TRAK1: variants seen among roughly 807,000 people sequenced by gnomAD.
TRAK1 encodes the protein trafficking kinesin protein 1.
TRAK1 carries 33 observed loss-of-function variants against 92.1 expected under a neutral mutation model. The ratio of observed to expected loss-of-function variants is 0.36; its 90% CI spans 0.27 to 0.48. The LOEUF (loss-of-function observed/expected upper bound fraction) is 0.48. Among genes scored for constraint, TRAK1 ranks in the 20% least tolerant of loss-of-function variants. The pLI is 0.99. For missense variants in TRAK1, 1,123 were observed against 1,257.9 expected (o/e 0.89, Z 1.62); for synonymous variants, 521 against 517.3 (o/e 1.01, Z -0.10).
intron 1 of TRAK1, among the ~76,000 whole-genome samples, chr3:42,122,631 A>G (rs1710036000): frequency 6.6e-6 from 1 of 152,166 alleles, no homozygotes; most frequent in Non-Finnish European, 1.5e-5. Flanking sequence ...CCTAGAGATG[A>G]ACTTCATGGG....
chr3:42,149,346 A>C, intron 2 of TRAK1: 1 of 1,435,434 alleles, frequency 7.0e-7, no homozygotes, highest in Non-Finnish European at 9.1e-7. Flanking sequence ...TCCCCCATAG[A>C]ATTTTTCTTT....
intron 5 of TRAK1, 99 bp downstream of exon 5, chr3:42,188,244 T>G (rs913620629): frequency 2.8e-6 from 3 of 1,088,146 alleles, no homozygotes; most frequent in Admixed American, 3.5e-5. Context: ...TCAGCAGCAA[T>G]GGAGGTCAGC....
intron 1 of TRAK1, among the ~76,000 whole-genome samples, chr3:42,111,594 A>C (rs988055222): frequency 5.3e-5 from 8 of 151,954 alleles, no homozygotes; most frequent in Non-Finnish European, 8.8e-5. Flanking sequence ...ACGGGGTTTC[A>C]CTGTGTTAGC....
At chr3:42,092,408 A>C (rs188381943) in intron 1 of TRAK1, among the ~76,000 whole-genome samples, 4 of 152,348 alleles carry the variant, frequency 2.6e-5, no homozygotes, top group Non-Finnish European at 4.4e-5. Flanking sequence ...GCCTAAAGAC[A>C]CTTCAAACAT....
At chr3:42,134,395 A>G (rs113518061) in intron 2 of TRAK1, among the ~76,000 whole-genome samples, 75,486 of 150,436 alleles carry the variant, frequency 0.5, 19,063 homozygotes, top group South Asian at 0.6. Context: ...CTTCTGTCTC[A>G]GCCTCCCGAG....
Position 42,224,691 on chromosome 3 carries a change from T to C in TRAK1, c.*954T>C, listed in dbSNP as rs562490860. ...ACAATAGGACTGAAAGGAAAAAGGA[T>C]AGGGAAAAAGCTTATTAAAGAAATG... On this transcript the variant is annotated 3_prime_UTR_variant, in exon 16 of 16. Transcript: ENST00000327628. 4.5e-4 allele frequency: 69 copies of C among 152,248 alleles called. No individual in the cohort carries two copies. Among genetic ancestry groups the C allele is most frequent in the African/African-American group, 1.6e-3 (65 of 41,546 alleles). The allele number at this position is 152,248 out of a possible 1,614,324, so 9.4% of individuals were successfully genotyped here.
intron 14 of TRAK1, chr3:42,218,671 A>G: frequency 9.1e-6 from 9 of 985,400 alleles, no homozygotes; most frequent in Non-Finnish European, 1.1e-5. Context: ...GCTGCAGACC[A>G]TAGTCTTCAG....
At chr3:42,117,304 G>A (rs569958102) in intron 1 of TRAK1, among the ~76,000 whole-genome samples, 12 of 152,054 alleles carry the variant, frequency 7.9e-5, no homozygotes, top group Middle Eastern at 3.2e-3. Flanking sequence ...GAGGCTGGGC[G>A]TCCTTTCTCC....
chr3:42,200,497 C>G (rs927694631), intron 11 of TRAK1, among the ~76,000 whole-genome samples: 10 of 152,154 alleles, frequency 6.6e-5, no homozygotes, highest in Non-Finnish European at 1.0e-4. Flanking sequence ...ATCTAGGAGA[C>G]AAAAGTCATA....
intron 5 of TRAK1, 121 bp downstream of exon 5, chr3:42,188,266 T>C (rs940198760): frequency 5.0e-5 from 43 of 854,860 alleles, no homozygotes; most frequent in Admixed American, 4.5e-4. Flanking sequence ...GCTCTCAGCC[T>C]TCTCTGGACC....
chr3:42,136,645 A>AAAATAAAT (rs1553729334), intron 2 of TRAK1, among the ~76,000 whole-genome samples: 1 of 136,394 alleles, frequency 7.3e-6, no homozygotes, highest in Non-Finnish European at 1.6e-5. Context: ...AAATAAATAA[A>AAAATAAAT]AAATAAATAA....
At chr3:42,160,316 G>A in intron 2 of TRAK1, 2 of 1,608,502 alleles carry the variant, frequency 1.2e-6, no homozygotes, top group Non-Finnish European at 1.7e-6. Flanking sequence ...GCACCCCCAA[G>A]GATGGTCCCT....
At chr3:42,188,809 T>C (rs1454442911) in intron 5 of TRAK1, among the ~76,000 whole-genome samples, 1 of 152,206 alleles carries the variant, frequency 6.6e-6, no homozygotes, top group Non-Finnish European at 1.5e-5. Context: ...TCTAAGGTGA[T>C]GTGGCAAGTT....
chr3:42,149,205 C>T (rs985708180), intron 2 of TRAK1: 17 of 1,106,592 alleles, frequency 1.5e-5, no homozygotes, highest in South Asian at 3.4e-5. Flanking sequence ...ACCCTCTAGG[C>T]GTCTGGATAG....
chr3:42,200,479 A>C (rs1707365788), intron 11 of TRAK1, among the ~76,000 whole-genome samples: 1 of 152,252 alleles, frequency 6.6e-6, no homozygotes, highest in Non-Finnish European at 1.5e-5. Context: ...AATATTATGA[A>C]AAAAGAAATC....
intron 1 of TRAK1, among the ~76,000 whole-genome samples, chr3:42,094,221 C>T (rs1705560839): frequency 6.6e-6 from 1 of 152,144 alleles, no homozygotes; most frequent in South Asian, 2.1e-4. Flanking sequence ...ATGCCAGGCT[C>T]AGGCTGAGCA....
At chr3:42,201,321 A>G (rs1707519893) in intron 12 of TRAK1, among the ~76,000 whole-genome samples, 1 of 152,184 alleles carries the variant, frequency 6.6e-6, no homozygotes, top group Non-Finnish European at 1.5e-5. Context: ...TTAGCTGGGC[A>G]TGGTGGCATG....
At chr3:42,107,488 G>A (rs1707743255) in intron 1 of TRAK1, among the ~76,000 whole-genome samples, 1 of 150,734 alleles carries the variant, frequency 6.6e-6, no homozygotes, top group South Asian at 2.1e-4. Context: ...CTCCAGCCTG[G>A]TGACAGAGCA....
chr3:42,091,247 G>T, upstream of TRAK1: 1 of 519,200 alleles, frequency 1.9e-6, no homozygotes, highest in Non-Finnish European at 3.3e-6. Context: ...TCTGTTTGGG[G>T]TGGCTTAACA....
Sources: allele counts gnomAD v4.1 joint callset (sites outside exome capture counted in the v4.1 genomes callset), GRCh38; gene constraint gnomAD v4.1.1; transcripts MANE v1.5; gene names NCBI Gene and HGNC (gene_info 2026-07-23, HGNC 2026-07-21).